The following AGBL4 variants were observed in gnomAD, a reference collection of about 807,000 sequenced individuals.
AGBL4 encodes the protein AGBL carboxypeptidase 4, also known as cytosolic carboxypeptidase 6.
In AGBL4, 58 loss-of-function variants were observed where a neutral mutation model predicts 66.4. The ratio of observed to expected loss-of-function variants is 0.87; its 90% CI spans 0.71 to 1.09. The LOEUF (loss-of-function observed/expected upper bound fraction) is 1.09. Among genes scored for constraint, AGBL4 ranks in the 50% least tolerant of loss-of-function variants. The pLI is 0.00. For missense variants in AGBL4, 579 were observed against 631.0 expected, an observed-to-expected ratio of 0.92 and a Z score of 0.88; for synonymous variants, 234 against 222.9, an observed-to-expected ratio of 1.05 and a Z score of -0.44.
intron 4 of AGBL4, among the ~76,000 whole-genome samples, chr1:49,164,138 T>G (rs903401570): frequency 6.6e-5 from 10 of 152,130 alleles, no homozygotes; most frequent in Non-Finnish European, 4.4e-5. Flanking sequence ...GGAAAATAGT[T>G]CCAGCAATAT....
At chr1:48,636,318 A>G (rs1364808448) in intron 8 of AGBL4, among the ~76,000 whole-genome samples, 2 of 152,230 alleles carry the variant, frequency 1.3e-5, no homozygotes, top group East Asian at 3.8e-4. Flanking sequence ...TTCTGAGCTT[A>G]TAGTGGTAAG....
intron 4 of AGBL4, among the ~76,000 whole-genome samples, chr1:49,072,813 C>A (rs1419970065): frequency 6.6e-6 from 1 of 152,186 alleles, no homozygotes; most frequent in African/African-American, 2.4e-5. Flanking sequence ...GGGAAGTTCT[C>A]CTGGATAATA....
At chr1:49,893,126 A>C (rs1648824634) in intron 1 of AGBL4, among the ~76,000 whole-genome samples, 1 of 152,216 alleles carries the variant, frequency 6.6e-6, no homozygotes, top group South Asian at 2.1e-4. Flanking sequence ...GAAGGGAAGG[A>C]AGAAGGTGCA....
intron 4 of AGBL4, among the ~76,000 whole-genome samples, chr1:49,074,430 C>A (rs1356273859): frequency 1.3e-5 from 2 of 152,142 alleles, no homozygotes; most frequent in Non-Finnish European, 2.9e-5. Flanking sequence ...TGAGATGAAC[C>A]AGGTACCTCA....
At chr1:49,163,539 C>T (rs528649022) in intron 4 of AGBL4, among the ~76,000 whole-genome samples, 3 of 152,298 alleles carry the variant, frequency 2.0e-5, no homozygotes, top group African/African-American at 7.2e-5. Context: ...GTCTCTTTTG[C>T]TGGACTATGA....
At chr1:48,641,868 C>A (rs560147317) in intron 8 of AGBL4, among the ~76,000 whole-genome samples, 3 of 152,186 alleles carry the variant, frequency 2.0e-5, no homozygotes, top group Non-Finnish European at 4.4e-5. Context: ...AATAGAGGGA[C>A]TGTCCCTCAT....
chr1:49,605,479 T>G (rs1260147498), intron 3 of AGBL4, among the ~76,000 whole-genome samples: 1 of 152,094 alleles, frequency 6.6e-6, no homozygotes, highest in Non-Finnish European at 1.5e-5. Flanking sequence ...GCACAACATT[T>G]AATTAAGGAA....
chr1:49,928,747 T>C (rs1157596127), intron 1 of AGBL4, among the ~76,000 whole-genome samples: 2 of 151,900 alleles, frequency 1.3e-5, no homozygotes, highest in Non-Finnish European at 2.9e-5. Context: ...ACCACTGATA[T>C]AAAGAAAATC....
chr1:49,744,243 G>A (rs1439595340), intron 2 of AGBL4, among the ~76,000 whole-genome samples: 1 of 152,010 alleles, frequency 6.6e-6, no homozygotes, highest in East Asian at 1.9e-4. Context: ...TCATGATAGT[G>A]AGTGAATTCC....
intron 3 of AGBL4, among the ~76,000 whole-genome samples, chr1:49,613,224 T>A (rs1169659009): frequency 6.6e-6 from 1 of 151,908 alleles, no homozygotes. Context: ...CACTGGAGAC[T>A]ACTAGATGGG....
intron 3 of AGBL4, among the ~76,000 whole-genome samples, chr1:49,595,108 T>G (rs1644827021): frequency 6.6e-6 from 1 of 152,158 alleles, no homozygotes; most frequent in South Asian, 2.1e-4. Context: ...ATTTTTTTCT[T>G]GAGATGGAGT....
At chr1:49,801,840 T>C (rs535267564) in intron 2 of AGBL4, among the ~76,000 whole-genome samples, 5 of 152,334 alleles carry the variant, frequency 3.3e-5, no homozygotes, top group African/African-American at 1.2e-4. Flanking sequence ...AAAAAATGTC[T>C]CTTCAAGTGG....
rs1336396426 is a variant in AGBL4 at position 49,772,363 on chromosome 1, CT to C, written c.158-74927del. On this transcript the variant is annotated intron_variant, in intron 2 of 13. Coordinates refer to ENST00000371839, the MANE Select transcript of AGBL4 (RefSeq NM_032785.4). ...CTATTGATGTATTGATGTTTTTGAC[CT>C]TTGTAGCTTTAAACCTTCATTAGAG... is the stretch of plus-strand genomic sequence containing the variant. Among the ~76,000 whole-genome samples the C allele has an allele frequency of 1.5e-4, 23 of 152,048 alleles. No homozygotes were observed. The East Asian group carries it at 4.4e-3, about 29-fold the overall frequency.
intron 5 of AGBL4, among the ~76,000 whole-genome samples, chr1:48,933,123 A>G (rs1655170338): frequency 6.6e-6 from 1 of 152,222 alleles, no homozygotes; most frequent in Non-Finnish European, 1.5e-5. Context: ...CTTTCTATAA[A>G]ATAGAGTTAA....
chr1:49,475,226 T>A (rs148919565), intron 3 of AGBL4, among the ~76,000 whole-genome samples: 4 of 152,188 alleles, frequency 2.6e-5, no homozygotes, highest in African/African-American at 9.6e-5. Context: ...TCTGTTTATA[T>A]AATGTATTAC....
chr1:49,375,404 A>AT lies in AGBL4; in HGVS notation c.283-129541dup, dbSNP rs1056780101. Among the ~76,000 whole-genome samples, 7 of 151,650 alleles carry AT rather than the reference A, an allele frequency of 4.6e-5. No individual in the cohort carries two copies. In the East Asian group the frequency reaches 7.8e-4, roughly 17 times the overall value. On this transcript the variant is annotated intron_variant, in intron 3 of 13. Transcript: ENST00000371839. Reference sequence around the variant, plus strand: ...GGGATGTGATTTCTGAGAAGTGATGATTTTTTTTTCTAAAGGCCACCTTTA... The same window carrying AT: ...GGGATGTGATTTCTGAGAAGTGATGATTTTTTTTTTCTAAAGGCCACCTTTA...
chr1:49,315,122 T>A (rs1191160544), intron 3 of AGBL4, among the ~76,000 whole-genome samples: 2 of 152,122 alleles, frequency 1.3e-5, no homozygotes, highest in Non-Finnish European at 2.9e-5. Context: ...TTGACAAACC[T>A]GACAAAAACA....
At chr1:49,447,259 G>T (rs911410008) in intron 3 of AGBL4, among the ~76,000 whole-genome samples, 6 of 152,150 alleles carry the variant, frequency 3.9e-5, no homozygotes, top group African/African-American at 1.4e-4. Flanking sequence ...GGAGGTCACA[G>T]GCTCTGGAAA....
chr1:49,179,892 AT>A (rs917388338), intron 4 of AGBL4, among the ~76,000 whole-genome samples: 2 of 151,130 alleles, frequency 1.3e-5, no homozygotes, highest in African/African-American at 4.9e-5. Context: ...TAACATCTTT[AT>A]TTTTTTTATT....
Sources: gnomAD v4.1 joint callset for allele counts (sites outside exome capture counted in the v4.1 genomes callset) on GRCh38, gnomAD v4.1.1 for gene constraint, MANE v1.5 for transcripts, NCBI Gene and HGNC (gene_info 2026-07-23, HGNC 2026-07-21) for gene names.